The following SLIT1 variants were observed in gnomAD, a reference collection of about 807,000 sequenced individuals.
SLIT1 encodes slit homolog 1 protein.
Under a neutral mutation model 186.1 loss-of-function variants are expected in SLIT1, and 66 were observed. The ratio of observed to expected loss-of-function variants is 0.35; its 90% CI spans 0.29 to 0.44. The LOEUF (loss-of-function observed/expected upper bound fraction) is 0.44, where lower values mean the gene tolerates loss of function less well. Among genes scored for constraint, SLIT1 ranks in the 20% least tolerant of loss-of-function variants. The pLI is 1.00. For synonymous variants in SLIT1, 761 were observed against 833.8 expected (o/e 0.91, Z 1.50); for missense variants, 1,638 against 2,037.4 (o/e 0.80, Z 3.77).
intron 26 of SLIT1, among the ~76,000 whole-genome samples, chr10:97,020,391 A>G (rs1292791338): frequency 6.6e-6 from 1 of 152,216 alleles, no homozygotes; most frequent in Non-Finnish European, 1.5e-5. Context: ...TTCGATAAAA[A>G]TAATAAAACA....
intron 15 of SLIT1, 41 bp from the exon 16 acceptor site, chr10:97,047,875 G>C: frequency 6.2e-7 from 1 of 1,613,012 alleles, no homozygotes; most frequent in Non-Finnish European, 8.5e-7. Flanking sequence ...GGAGCCCGGG[G>C]CCGGCTCCCA....
rs1471233098 is a variant in SLIT1 at position 97,013,903 on chromosome 10, A to G, written c.3110-69T>C. The G allele has an allele frequency of 5.2e-6, 8 of 1,544,026 alleles. No homozygotes were observed. In the African/African-American group the frequency reaches 1.1e-4, roughly 21 times the overall value. ...TGTGCTCTGCCGGGCAGCCAGACCCACAGAAATCCTCCTGCAGACACTGAG... is the reference window on the plus strand; with the variant it reads ...TGTGCTCTGCCGGGCAGCCAGACCCGCAGAAATCCTCCTGCAGACACTGAG... On this transcript the variant is annotated intron_variant, in intron 29 of 36. Transcript: ENST00000266058.
chr10:97,185,953 C>A lies in SLIT1; in HGVS notation c.-279G>T, dbSNP rs1328550145. 1 of 459,842 alleles carries A rather than the reference C, an allele frequency of 2.2e-6. No homozygotes were observed. Among genetic ancestry groups the A allele is most frequent in the Non-Finnish European group, 3.8e-6 (1 of 261,730 alleles). 28.5% of individuals were successfully genotyped at this position (459,842 alleles called of 1,614,324 possible). ...CCCTCCAGCTCCCAACTGACTGCTG[C>A]GAGGAGGAAAATGGGCAGGCCCCGC... On this transcript the variant is annotated 5_prime_UTR_variant, in exon 1 of 37. Coordinates refer to ENST00000266058, the MANE Select transcript of SLIT1 (RefSeq NM_003061.3).
chr10:97,165,188 C>T (rs1258204312), intron 1 of SLIT1, among the ~76,000 whole-genome samples: 1 of 152,216 alleles, frequency 6.6e-6, no homozygotes, highest in East Asian at 1.9e-4. Flanking sequence ...GAGACATTCA[C>T]CCAGGGAAGA....
intron 11 of SLIT1, 75 bp downstream of exon 11, chr10:97,059,385 C>A: frequency 2.4e-6 from 3 of 1,239,316 alleles, no homozygotes; most frequent in Non-Finnish European, 3.5e-6. Flanking sequence ...CCTGCATCCA[C>A]CAGGACCCTG....
At chr10:97,103,395 A>T (rs1477566855) in intron 4 of SLIT1, 1 of 152,230 alleles carries the variant, frequency 6.6e-6, no homozygotes, top group African/African-American at 2.4e-5. Context: ...TCTTTTTCCC[A>T]GCAGCAGCTT....
intron 4 of SLIT1, among the ~76,000 whole-genome samples, chr10:97,140,044 G>T (rs1049311207): frequency 1.3e-5 from 2 of 152,088 alleles, no homozygotes; most frequent in African/African-American, 4.8e-5. Flanking sequence ...GCCTTGCAGG[G>T]TGATGAAACC....
At chr10:97,086,861 A>G (rs1414582357) in intron 4 of SLIT1, among the ~76,000 whole-genome samples, 1 of 152,178 alleles carries the variant, frequency 6.6e-6, no homozygotes, top group African/African-American at 2.4e-5. Flanking sequence ...CCAGACCCAT[A>G]GAGTCTGCAA....
In SLIT1 at chr10:96,998,467, G is replaced by GTATC. The variant is rs1044070639; in HGVS notation, c.*2641_*2644dup. 1 of 152,220 alleles carries GTATC rather than the reference G, an allele frequency of 6.6e-6. No homozygotes were observed. The highest frequency in any genetic ancestry group is 1.5e-5 in the Non-Finnish European group (1 of 68,054). 9.4% of individuals were successfully genotyped at this position (152,220 alleles called of 1,614,324 possible). On this transcript the variant is annotated 3_prime_UTR_variant, in exon 37 of 37. Transcript: ENST00000266058. ...CAGCTCCCTCCGGACGCACCCTGCT[G>GTATC]TATCTCTTCATGCCTAAAATGCAGA...
chr10:97,023,167 T>C (rs1025863091), intron 25 of SLIT1, among the ~76,000 whole-genome samples: 3 of 151,926 alleles, frequency 2.0e-5, no homozygotes, highest in Non-Finnish European at 4.4e-5. Context: ...TTCTTGTACC[T>C]TAGCCTCCTG....
rs779171265 is a variant in SLIT1 at position 97,037,778 on chromosome 10, A to G, written c.2298-12T>C. 1 of 1,596,166 alleles carries G rather than the reference A, an allele frequency of 6.3e-7. No homozygotes were observed. The highest frequency in any genetic ancestry group is 1.1e-5 in the South Asian group (1 of 90,202). On this transcript the variant is annotated splice_polypyrimidine_tract_variant and intron_variant, in intron 21 of 36. Transcript: ENST00000266058. ...TCCCGTCCAAATAGCTGCAGAGAGAACACAGCGGCGTTAGTGCCCATCTCC... is the reference window on the plus strand; with the variant it reads ...TCCCGTCCAAATAGCTGCAGAGAGAGCACAGCGGCGTTAGTGCCCATCTCC...
chr10:97,020,494 A>T (rs1848492869), intron 26 of SLIT1, among the ~76,000 whole-genome samples: 1 of 152,274 alleles, frequency 6.6e-6, no homozygotes, highest in South Asian at 2.1e-4. Context: ...CCCAACAGCC[A>T]AGCCGCAGAT....
At chr10:97,133,886 C>T (rs780999739) in intron 4 of SLIT1, among the ~76,000 whole-genome samples, 2 of 152,130 alleles carry the variant, frequency 1.3e-5, no homozygotes, top group Admixed American at 6.5e-5. Context: ...CCTGGCTCAC[C>T]GTCTTGTCCC....
chr10:97,142,279 C>A lies in SLIT1; in HGVS notation c.413+15539G>T, dbSNP rs117705730. 7.2e-5 allele frequency among the ~76,000 whole-genome samples: 11 copies of A among 152,128 alleles called. No individual in the cohort carries two copies. The East Asian group carries it at 2.1e-3, about 29-fold the overall frequency. On this transcript the variant is annotated intron_variant, in intron 4 of 36. Transcript: ENST00000266058. ...AAAGAATGTGGTACTGGCATAAAGA[C>A]AGACAAATAGACCAATGGAATAGAA...
At chr10:97,099,115 A>G (rs1399921620) in intron 4 of SLIT1, among the ~76,000 whole-genome samples, 1 of 146,574 alleles carries the variant, frequency 6.8e-6, no homozygotes, top group Non-Finnish European at 1.5e-5. Context: ...GAATAGCAAC[A>G]GGAGGTTGGA....
intron 21 of SLIT1, 80 bp from the exon 22 acceptor site, chr10:97,037,846 C>CTG: frequency 7.8e-6 from 9 of 1,151,118 alleles, no homozygotes; most frequent in Admixed American, 2.0e-5. Context: ...TTCCCTGCAG[C>CTG]CAGGGACTTC....
At chr10:97,160,566 G>A (rs560822847) in intron 3 of SLIT1, among the ~76,000 whole-genome samples, 28 of 152,260 alleles carry the variant, frequency 1.8e-4, no homozygotes, top group African/African-American at 6.7e-4. Flanking sequence ...TGTGGTTTAG[G>A]CGAGGCAAAC....
intron 22 of SLIT1, among the ~76,000 whole-genome samples, chr10:97,037,048 T>G (rs918162074): frequency 1.6e-4 from 19 of 116,880 alleles, no homozygotes; most frequent in East Asian, 2.6e-4. Flanking sequence ...ATAACCCCCT[T>G]TGTGTGTGTG....
At chr10:97,177,795 G>C (rs1200407836) in intron 1 of SLIT1, among the ~76,000 whole-genome samples, 3 of 152,170 alleles carry the variant, frequency 2.0e-5, no homozygotes, top group Admixed American at 6.5e-5. Flanking sequence ...AACCAACATG[G>C]TGAAACCTCG....
Sources: allele counts gnomAD v4.1 joint callset (sites outside exome capture counted in the v4.1 genomes callset), GRCh38; gene constraint gnomAD v4.1.1; transcripts MANE v1.5; gene names NCBI Gene and HGNC (gene_info 2026-07-23, HGNC 2026-07-21).